PP2D1: variants seen among roughly 807,000 people sequenced by gnomAD.
The protein encoded by PP2D1 is protein phosphatase 2C like domain containing 1, also known as protein phosphatase 2C-like domain-containing protein 1.
PP2D1 carries 25 observed loss-of-function variants against 30.2 expected under a neutral mutation model. The observed-to-expected ratio is 0.83, with a 90% confidence interval of 0.60 to 1.16. The LOEUF is 1.16. Among genes scored for constraint, PP2D1 ranks in the 50% most tolerant of loss-of-function variants. The probability of loss-of-function intolerance (pLI) is 0.00; values close to 1 mark genes in which losing one functional copy is unlikely to be tolerated. For synonymous variants in PP2D1, 260 were observed against 258.9 expected, an observed-to-expected ratio of 1.00 and a Z score of -0.04; for missense variants, 760 against 742.4, an observed-to-expected ratio of 1.02 and a Z score of -0.28.
At chr3:20,008,629 G>A (rs1697351316) in intron 1 of PP2D1, among the ~76,000 whole-genome samples, 1 of 152,062 alleles carries the variant, frequency 6.6e-6, no homozygotes, top group East Asian at 1.9e-4. Flanking sequence ...GCTCACACCT[G>A]TAATCTCAGC....
intron 1 of PP2D1, among the ~76,000 whole-genome samples, chr3:20,007,008 TACACACAC>T (rs71751343): frequency 4.1e-5 from 6 of 144,672 alleles, no homozygotes; most frequent in African/African-American, 1.5e-4. Context: ...CACACACGTA[TACACACAC>T]ACACACACAC....
At position 19,985,862 on chromosome 3, in the gene PP2D1, T is replaced by C; in HGVS notation, c.1411A>G (p.Met471Val). 6.5e-7 allele frequency: 1 copy of C among 1,536,430 alleles called. No homozygotes were observed. The highest frequency in any genetic ancestry group is 8.7e-7 in the Non-Finnish European group (1 of 1,146,958). Residue 471 changes from methionine (M) to valine (V), a missense_variant, in exon 3 of 3, where the codon ATG becomes GTG. By Grantham distance (21) the Met-to-Val change is conservative. This residue lies in a region of PP2D1 where 369 missense variants were observed against 316.2 expected (regional missense o/e 1.17). Coordinates refer to ENST00000389050, the MANE Select transcript of PP2D1 (RefSeq NM_001252657.2). ...LDKEEVTALA[M>V]TTFHMYKETY... ...TCTTTATACATGTGAAATGTTGTCA[T>C]TGCCAGGGCAGTAACTTCCTCTTTA...
At chr3:19,993,953 T>C (rs1014226877) in intron 2 of PP2D1, among the ~76,000 whole-genome samples, 4 of 151,870 alleles carry the variant, frequency 2.6e-5, no homozygotes, top group Non-Finnish European at 4.4e-5. Context: ...AGGCTGGTCT[T>C]GAACTCCTGA....
chr3:19,988,523 A>AT (rs1359278170), intron 2 of PP2D1, among the ~76,000 whole-genome samples: 1 of 152,050 alleles, frequency 6.6e-6, no homozygotes, highest in Non-Finnish European at 1.5e-5. Flanking sequence ...AGCAATTTTA[A>AT]TTTCACCCAG....
chr3:20,008,437 C>T (rs1697348408), intron 1 of PP2D1, among the ~76,000 whole-genome samples: 2 of 151,950 alleles, frequency 1.3e-5, no homozygotes, highest in African/African-American at 2.4e-5. Context: ...AGTGGTGGCT[C>T]ATGTCTGTAA....
intron 2 of PP2D1, among the ~76,000 whole-genome samples, chr3:19,989,289 A>C (rs1396761977): frequency 6.6e-6 from 1 of 152,190 alleles, no homozygotes; most frequent in Admixed American, 6.5e-5. Context: ...TCGAGATCGC[A>C]TCACTGCACT....
chr3:19,990,631 C>T (rs1482715798), intron 2 of PP2D1, among the ~76,000 whole-genome samples: 1 of 152,084 alleles, frequency 6.6e-6, no homozygotes, highest in Non-Finnish European at 1.5e-5. Context: ...CATTTTGTAA[C>T]AATGAGTGGC....
At chr3:19,986,754 G>C (rs62241318) in intron 2 of PP2D1, among the ~76,000 whole-genome samples, 1 of 150,408 alleles carries the variant, frequency 6.6e-6, no homozygotes, top group Admixed American at 6.6e-5. Flanking sequence ...AAGTCAATCC[G>C]CCAGGTGTGG....
intron 2 of PP2D1, among the ~76,000 whole-genome samples, chr3:19,987,959 TC>T (rs1437874863): frequency 1.3e-5 from 2 of 152,212 alleles, no homozygotes; most frequent in African/African-American, 4.8e-5. Flanking sequence ...ATTTATCACT[TC>T]CCCAGTCAGT....
intron 1 of PP2D1, among the ~76,000 whole-genome samples, chr3:20,010,776 T>C (rs1167957040): frequency 6.6e-6 from 1 of 152,000 alleles, no homozygotes; most frequent in African/African-American, 2.4e-5. Context: ...CACTCCAGCC[T>C]GGGCAACAAG....
intron 2 of PP2D1, among the ~76,000 whole-genome samples, chr3:20,000,465 C>T (rs751219352): frequency 1.3e-5 from 2 of 152,124 alleles, no homozygotes; most frequent in Non-Finnish European, 2.9e-5. Flanking sequence ...AGTTCCTAAA[C>T]TCCCTGAAAT....
At chr3:20,010,814 A>G (rs1356734868) in intron 1 of PP2D1, among the ~76,000 whole-genome samples, 3 of 152,002 alleles carry the variant, frequency 2.0e-5, no homozygotes, top group African/African-American at 4.8e-5. Context: ...GAATAAATGA[A>G]TAAATAAATA....
chr3:19,985,696 G>C lies in PP2D1; in HGVS notation c.1577C>G (p.Ser526Ter). ...TAAATTTTCTTTGGAATTTGTAGTT[G>C]ACACACGTACTTCAGATACAGATTT... The part of the protein sequence containing the change: ...QYKSVSEVRV[S>*]TTNSKENLSD... The change falls in exon 3 of 3, where the codon TCA (serine) becomes TGA (stop). Residue 526 changes from serine (S) to a stop codon, truncating the protein, a stop_gained. Transcript: ENST00000389050. LOFTEE classifies it low-confidence loss of function (END_TRUNC). The C allele has an allele frequency of 6.5e-7, 1 of 1,535,670 alleles. No individual in the cohort carries two copies. Among genetic ancestry groups the C allele is most frequent in the Non-Finnish European group, 8.7e-7 (1 of 1,146,548 alleles).
chr3:19,981,727 C>T (rs926319463), downstream of PP2D1, among the ~76,000 whole-genome samples: 1 of 151,978 alleles, frequency 6.6e-6, no homozygotes, highest in African/African-American at 2.4e-5. Flanking sequence ...TTTTTTTAAT[C>T]AGTGGGAAGC....
At chr3:19,981,254 C>A (rs972398246), downstream of PP2D1, among the ~76,000 whole-genome samples, 1 of 152,168 alleles carries the variant, frequency 6.6e-6, no homozygotes, top group Non-Finnish European at 1.5e-5. Flanking sequence ...AAGTGATATG[C>A]ATTTAGTACA....
At chr3:20,006,535 T>G (rs1288612220) in intron 1 of PP2D1, among the ~76,000 whole-genome samples, 2 of 152,030 alleles carry the variant, frequency 1.3e-5, no homozygotes, top group Non-Finnish European at 2.9e-5. Context: ...CACCCAGGAG[T>G]GCAGTGGCCT....
intron 1 of PP2D1, among the ~76,000 whole-genome samples, chr3:20,003,395 T>A (rs2948105): frequency 0.57 from 85,941 of 150,398 alleles, 24,851 homozygotes; most frequent in Non-Finnish European, 0.6. Flanking sequence ...TTTTTTTTTT[T>A]AAAAAAAAGG....
At chr3:19,983,452 C>G (rs1283980647), downstream of PP2D1, among the ~76,000 whole-genome samples, 1 of 151,800 alleles carries the variant, frequency 6.6e-6, no homozygotes, top group Admixed American at 6.6e-5. Flanking sequence ...ACTAGTTAGG[C>G]TTAAGTTTTA....
Position 19,985,703 on chromosome 3 carries a change from G to A in PP2D1, c.1570C>T (p.Arg524Cys), listed in dbSNP as rs1005570120. 47 of 1,535,474 alleles carry A rather than the reference G, an allele frequency of 3.1e-5. No individual in the cohort carries two copies. Among genetic ancestry groups the A allele is most frequent in the Non-Finnish European group, 3.9e-5 (45 of 1,146,452 alleles). ...LFQYKSVSEV[R>C]VSTTNSKENL... The stretch of plus-strand genomic sequence containing the variant: ...TCTTTGGAATTTGTAGTTGACACAC[G>A]TACTTCAGATACAGATTTATACTGA... Residue 524 changes from arginine to cysteine, a missense_variant, in exon 3 of 3, where the codon CGT becomes TGT. Physicochemically the swap from Arg to Cys is radical, Grantham distance 180 (BLOSUM62 -3). This residue lies in a region of PP2D1 where 369 missense variants were observed against 316.2 expected (regional missense o/e 1.17). Coordinates refer to ENST00000389050, the MANE Select transcript of PP2D1 (RefSeq NM_001252657.2).
Sources: allele counts gnomAD v4.1 joint callset (sites outside exome capture counted in the v4.1 genomes callset), GRCh38; gene constraint gnomAD v4.1.1; regional missense constraint gnomAD v4.1.1; transcripts MANE v1.5; gene names NCBI Gene and HGNC (gene_info 2026-07-23, HGNC 2026-07-21).